TMEM131L: variants seen among roughly 807,000 people sequenced by gnomAD.
TMEM131L encodes the protein transmembrane protein 131-like.
In TMEM131L, 54 loss-of-function variants were observed where a neutral mutation model predicts 192.2. The observed-to-expected ratio is 0.28, with a 90% CI of 0.23 to 0.35. The LOEUF is 0.35. Among genes scored for constraint, TMEM131L ranks in the 10% least tolerant of loss-of-function variants. TMEM131L has a pLI of 1.00. For synonymous variants in TMEM131L, 701 were observed against 704.9 expected, an observed-to-expected ratio of 0.99 and a Z score of 0.09; for missense variants, 1,888 against 1,972.9, an observed-to-expected ratio of 0.96 and a Z score of 0.82.
In TMEM131L at chr4:153,620,682, G is replaced by T. The variant is rs898847430; in HGVS notation, c.3568-74G>T. 4.1e-5 allele frequency: 37 copies of T among 906,382 alleles called. 1 individual carries two copies. In the Admixed American group the frequency reaches 6.8e-4, roughly 17 times the overall value. The allele number at this position is 906,382 out of a possible 1,614,324, so 56.1% of individuals were successfully genotyped here. A position where few individuals can be genotyped will look rare whatever the true frequency, so the allele number is the denominator to read the frequency against. ...GGACATTCTGAATTCAGATGGAGTT[G>T]GTCTTCAAACATTTAAACATGTTTT... is the stretch of plus-strand genomic sequence containing the variant. On this transcript the variant is annotated intron_variant, in intron 26 of 34. Transcript: ENST00000409959.
chr4:153,539,192 C>A (rs1051977684), intron 3 of TMEM131L, among the ~76,000 whole-genome samples: 1 of 152,168 alleles, frequency 6.6e-6, no homozygotes, highest in Non-Finnish European at 1.5e-5. Flanking sequence ...CGGAAAAAAA[C>A]CCAACAAAAC....
At chr4:153,498,665 A>G (rs188705084) in intron 3 of TMEM131L, among the ~76,000 whole-genome samples, 17 of 152,276 alleles carry the variant, frequency 1.1e-4, no homozygotes, top group African/African-American at 3.4e-4. Flanking sequence ...TGAGGAGTTG[A>G]GATCCTGTGG....
At chr4:153,626,449 A>G (rs182955107) in intron 30 of TMEM131L, among the ~76,000 whole-genome samples, 1 of 152,288 alleles carries the variant, frequency 6.6e-6, no homozygotes, top group Admixed American at 6.5e-5. Flanking sequence ...ACAGGTAGCC[A>G]CGTTGGAAAA....
chr4:153,618,377 T>C (rs760881560), intron 26 of TMEM131L, among the ~76,000 whole-genome samples: 18 of 148,986 alleles, frequency 1.2e-4, no homozygotes, highest in Non-Finnish European at 2.5e-4. Context: ...CTCAGGAGGC[T>C]GAGGTAGGCG....
chr4:153,524,110 T>C (rs1406997491), intron 3 of TMEM131L, among the ~76,000 whole-genome samples: 29 of 151,502 alleles, frequency 1.9e-4, no homozygotes, highest in Admixed American at 1.9e-3. Flanking sequence ...AGGTTTTCTG[T>C]CTTTCCCATG....
chr4:153,466,613 G>A (rs1730764604), intron 1 of TMEM131L, 92 bp downstream of exon 1: 1 of 1,163,102 alleles, frequency 8.6e-7, no homozygotes, highest in Non-Finnish European at 1.1e-6. Flanking sequence ...GAGGGCGAGG[G>A]GAGGAAAGGG....
intron 29 of TMEM131L, among the ~76,000 whole-genome samples, chr4:153,625,028 G>A (rs920145804): frequency 6.6e-6 from 1 of 152,142 alleles, no homozygotes; most frequent in Non-Finnish European, 1.5e-5. Flanking sequence ...TAATGGCCCC[G>A]CATAAAATGT....
chr4:153,507,756 G>A (rs1203344969), intron 3 of TMEM131L, among the ~76,000 whole-genome samples: 2 of 152,004 alleles, frequency 1.3e-5, no homozygotes, highest in African/African-American at 2.4e-5. Flanking sequence ...ACGCTTATGT[G>A]GTGTGGGTGA....
At chr4:153,493,345 CAAAAAAAAAAA>C (rs35052272) in intron 3 of TMEM131L, among the ~76,000 whole-genome samples, 2 of 72,874 alleles carry the variant, frequency 2.7e-5, no homozygotes, top group Non-Finnish European at 5.0e-5. Flanking sequence ...GACTCTGTCT[CAAAAAAAAAAA>C]AAAAAAAAAA....
intron 7 of TMEM131L, among the ~76,000 whole-genome samples, chr4:153,574,134 A>T (rs1199925928): frequency 6.6e-6 from 1 of 152,228 alleles, no homozygotes; most frequent in Non-Finnish European, 1.5e-5. Context: ...ACTTGGCCAC[A>T]CTGCCTTTTC....
At chr4:153,607,165 G>A (rs187160251) in intron 25 of TMEM131L, among the ~76,000 whole-genome samples, 329 of 152,276 alleles carry the variant, frequency 2.2e-3, no homozygotes, top group African/African-American at 6.8e-3. Flanking sequence ...AGGGTTTGGG[G>A]CTCTGTTGAA....
chr4:153,620,618 G>A lies in TMEM131L; in HGVS notation c.3568-138G>A, dbSNP rs377390148. ...CAAGAGGGGAAATGAAAACAAACTA[G>A]AGGCTGAGCAACATACTTCTCAGTT... On this transcript the variant is annotated intron_variant, in intron 26 of 34. Transcript: ENST00000409959. 25 of 441,130 alleles carry A rather than the reference G, an allele frequency of 5.7e-5. No homozygotes were observed. In the East Asian group the frequency reaches 9.4e-4, roughly 17 times the overall value. 27.3% of individuals were successfully genotyped at this position (441,130 alleles called of 1,614,324 possible).
chr4:153,564,287 CAAAAAAAAAAAAAAAAAAAAAA>C (rs1178320668), intron 7 of TMEM131L, among the ~76,000 whole-genome samples: 1 of 17,652 alleles, frequency 5.7e-5, no homozygotes, highest in Non-Finnish European at 1.5e-4. Flanking sequence ...AACTCCGTCT[CAAAAAAAAAAAAAAAAAAAAAA>C]AAAAAGGCCC....
intron 3 of TMEM131L, among the ~76,000 whole-genome samples, chr4:153,496,435 G>A (rs1230254527): frequency 6.6e-6 from 1 of 152,144 alleles, no homozygotes; most frequent in East Asian, 1.9e-4. Context: ...AACACAACCC[G>A]TTCCCCCAGC....
intron 31 of TMEM131L, among the ~76,000 whole-genome samples, chr4:153,630,994 G>A (rs1734173192): frequency 6.6e-6 from 1 of 152,208 alleles, no homozygotes; most frequent in South Asian, 2.1e-4. Context: ...CCAAGTGGCA[G>A]ACCAAGCACC....
chr4:153,518,304 C>T (rs983003095), intron 3 of TMEM131L, among the ~76,000 whole-genome samples: 4 of 152,176 alleles, frequency 2.6e-5, no homozygotes, highest in African/African-American at 4.8e-5. Flanking sequence ...GATGCTGCTG[C>T]GCATTTCGAA....
At chr4:153,594,288 A>G (rs924406550) in intron 19 of TMEM131L, among the ~76,000 whole-genome samples, 2 of 152,166 alleles carry the variant, frequency 1.3e-5, no homozygotes, top group Non-Finnish European at 2.9e-5. Flanking sequence ...AAGTCACCCA[A>G]TTTCTGTGAT....
At chr4:153,528,133 G>A (rs1457370411) in intron 3 of TMEM131L, among the ~76,000 whole-genome samples, 1 of 152,144 alleles carries the variant, frequency 6.6e-6, no homozygotes, top group Non-Finnish European at 1.5e-5. Context: ...CATTTTGAAA[G>A]CCTCAGTTTA....
rs746790259 is a variant in TMEM131L, at chr4:153,622,879, C to T, written c.3860-19C>T. 1.1e-5 allele frequency: 17 copies of T among 1,612,980 alleles called. No individual in the cohort carries two copies. In the Middle Eastern group the frequency reaches 1.3e-3, roughly 125 times the overall value. ...TGACAGTTGTTTCAGGGAAACATGA[C>T]TCCTTTCACTTCCTCCAGAAGGTTA... On this transcript the variant is annotated intron_variant, in intron 28 of 34. Coordinates refer to ENST00000409959, the MANE Select transcript of TMEM131L (RefSeq NM_001131007.2).
Sources: allele counts gnomAD v4.1 joint callset (sites outside exome capture counted in the v4.1 genomes callset), GRCh38; gene constraint gnomAD v4.1.1; transcripts MANE v1.5; gene names NCBI Gene and HGNC (gene_info 2026-07-23, HGNC 2026-07-21).